CCDC178: variants seen among roughly 807,000 people sequenced by gnomAD.
The protein encoded by CCDC178 is coiled-coil domain-containing protein 178.
CCDC178 carries 126 observed loss-of-function variants against 117.4 expected under a neutral mutation model. That is an observed-to-expected ratio of 1.07 (90% CI 0.93 to 1.24). The LOEUF (loss-of-function observed/expected upper bound fraction) is 1.24. CCDC178 is among the 50% of genes most tolerant of loss of function. The probability of loss-of-function intolerance (pLI) is 0.00; values close to 1 mark genes in which losing one functional copy is unlikely to be tolerated. For synonymous variants in CCDC178, 283 were observed against 313.4 expected (o/e 0.90, Z 1.02); for missense variants, 1,030 against 986.9 (o/e 1.04, Z -0.59).
At chr18:33,381,141 T>C (rs1484160862) in intron 5 of CCDC178, among the ~76,000 whole-genome samples, 1 of 152,198 alleles carries the variant, frequency 6.6e-6, no homozygotes, top group Admixed American at 6.5e-5. Context: ...ACTTATTTTG[T>C]AATATGTCTC....
intron 20 of CCDC178, among the ~76,000 whole-genome samples, chr18:33,173,282 T>C (rs757756030): frequency 6.6e-6 from 1 of 152,100 alleles, no homozygotes; most frequent in Non-Finnish European, 1.5e-5. Flanking sequence ...ACTCCGGAGC[T>C]CAAGTGATCT....
intron 7 of CCDC178, among the ~76,000 whole-genome samples, chr18:33,352,090 A>G (rs1213392188): frequency 6.6e-6 from 1 of 152,116 alleles, no homozygotes; most frequent in Non-Finnish European, 1.5e-5. Context: ...TTATTGATTC[A>G]ATCACTTTAT....
intron 21 of CCDC178, among the ~76,000 whole-genome samples, chr18:33,000,559 T>C (rs1440662838): frequency 6.6e-6 from 1 of 152,088 alleles, no homozygotes; most frequent in Non-Finnish European, 1.5e-5. Flanking sequence ...ACTTGAAGGC[T>C]AAAGAAAGGA....
At chr18:33,342,806 A>G (rs973609187) in intron 9 of CCDC178, among the ~76,000 whole-genome samples, 5 of 152,226 alleles carry the variant, frequency 3.3e-5, no homozygotes, top group Non-Finnish European at 7.3e-5. Context: ...GGTGGTTGTT[A>G]CAAAGCACAA....
chr18:33,344,803 GCACACACACACACACACACA>G lies in CCDC178; in HGVS notation c.658+1388_658+1407del, dbSNP rs63067861. Among the ~76,000 whole-genome samples, 275 of 120,878 alleles carry G rather than the reference GCACACACACACACACACACA, an allele frequency of 2.3e-3. 3 individuals are homozygous for G. The highest frequency in any genetic ancestry group is 0.011 in the South Asian group (36 of 3,302). 79.3% of individuals were successfully genotyped at this position (120,878 alleles called of 152,430 possible). A position where few individuals can be genotyped will look rare whatever the true frequency, so the allele number is the denominator to read the frequency against. On this transcript the variant is annotated intron_variant, in intron 9 of 22. Coordinates refer to ENST00000383096, the MANE Select transcript of CCDC178 (RefSeq NM_001105528.4). The stretch of plus-strand genomic sequence containing the variant: ...CTATGGTAGCCTCATTGCCTCTAAA[GCACACACACACACACACACA>G]CACACACACACACACACACACACAC...
intron 2 of CCDC178, among the ~76,000 whole-genome samples, 193 bp from the exon 3 acceptor site, chr18:33,412,303 C>T (rs1449624513): frequency 6.6e-6 from 1 of 151,964 alleles, no homozygotes; most frequent in South Asian, 2.1e-4. Context: ...TAAAAATCTT[C>T]ATTAAAGAGG....
intron 20 of CCDC178, among the ~76,000 whole-genome samples, chr18:33,208,717 C>T (rs190382193): frequency 3.9e-5 from 6 of 152,014 alleles, no homozygotes; most frequent in Non-Finnish European, 5.9e-5. Flanking sequence ...ACCTGGTGGT[C>T]AAATGAAACA....
intron 20 of CCDC178, among the ~76,000 whole-genome samples, chr18:33,124,656 G>A (rs2057981712): frequency 6.6e-6 from 1 of 152,050 alleles, no homozygotes; most frequent in East Asian, 1.9e-4. Context: ...TTTTGACAGT[G>A]GTGATTTACT....
chr18:33,273,524 A>G (rs563760455), intron 12 of CCDC178, among the ~76,000 whole-genome samples: 13 of 151,666 alleles, frequency 8.6e-5, no homozygotes, highest in Non-Finnish European at 1.9e-4. Context: ...AGACATATAA[A>G]TCAATGGGAT....
At chr18:33,209,798 G>C (rs574040911) in intron 20 of CCDC178, among the ~76,000 whole-genome samples, 1 of 151,998 alleles carries the variant, frequency 6.6e-6, no homozygotes, top group Non-Finnish European at 1.5e-5. Flanking sequence ...ATAAATTTAA[G>C]GTTATCTGAC....
At chr18:33,002,468 T>A (rs968694101) in intron 21 of CCDC178, among the ~76,000 whole-genome samples, 4 of 151,912 alleles carry the variant, frequency 2.6e-5, no homozygotes, top group Non-Finnish European at 4.4e-5. Flanking sequence ...GAAGAAAATT[T>A]AAAATTTTTT....
intron 21 of CCDC178, chr18:32,983,208 T>A: frequency 1.2e-6 from 1 of 851,160 alleles, no homozygotes; most frequent in Non-Finnish European, 1.9e-6. Flanking sequence ...GGTGACAATG[T>A]GTGACACTTG....
At position 33,220,447 on chromosome 18, in the gene CCDC178, A is replaced by C. The variant is rs191453508; in HGVS notation, c.1932+2659T>G. Among the ~76,000 whole-genome samples the C allele has an allele frequency of 4.6e-5, 7 of 152,208 alleles. No homozygotes were observed. The East Asian group carries it at 1.2e-3, about 25-fold the overall frequency. ...AAGCCTTTACTATTTTCTCTATACCAAAACTGGCCCTTGCTTTTTGGTCAC... is the reference window on the plus strand; with the variant it reads ...AAGCCTTTACTATTTTCTCTATACCCAAACTGGCCCTTGCTTTTTGGTCAC... On this transcript the variant is annotated intron_variant, in intron 18 of 22. Transcript: ENST00000383096.
chr18:33,388,988 G>T (rs986204236), intron 5 of CCDC178, among the ~76,000 whole-genome samples: 2 of 152,000 alleles, frequency 1.3e-5, no homozygotes, highest in Non-Finnish European at 1.5e-5. Context: ...GGGCCTGTAG[G>T]GGGAGGGCAG....
chr18:33,110,360 A>G (rs1054370975), intron 20 of CCDC178, among the ~76,000 whole-genome samples: 2 of 151,510 alleles, frequency 1.3e-5, no homozygotes, highest in African/African-American at 2.4e-5. Context: ...TTATTCTTCA[A>G]TGGTGTCTTT....
chr18:33,086,969 GACACACACACACACACAC>G (rs71949744), intron 21 of CCDC178, among the ~76,000 whole-genome samples: 56 of 124,122 alleles, frequency 4.5e-4, no homozygotes, highest in African/African-American at 1.6e-3. Context: ...GCTATTGGTT[GACACACACACACACACAC>G]ACACACACAC....
intron 21 of CCDC178, among the ~76,000 whole-genome samples, chr18:33,066,627 A>T (rs1278072839): frequency 6.6e-6 from 1 of 152,244 alleles, no homozygotes; most frequent in Non-Finnish European, 1.5e-5. Context: ...CTGAAAAGAC[A>T]CATGTAAATG....
chr18:33,234,671 A>G (rs1423536859), intron 15 of CCDC178, among the ~76,000 whole-genome samples: 1 of 152,102 alleles, frequency 6.6e-6, no homozygotes, highest in African/African-American at 2.4e-5. Context: ...CATATTGACA[A>G]TATGACTAAC....
At chr18:33,250,743 C>T (rs1022603627) in intron 14 of CCDC178, among the ~76,000 whole-genome samples, 7 of 151,444 alleles carry the variant, frequency 4.6e-5, no homozygotes, top group African/African-American at 1.7e-4. Flanking sequence ...GTGTATATAG[C>T]AAAACTATAC....
Sources: gnomAD v4.1 joint callset for allele counts (sites outside exome capture counted in the v4.1 genomes callset) on GRCh38, gnomAD v4.1.1 for gene constraint, MANE v1.5 for transcripts, NCBI Gene and HGNC (gene_info 2026-07-23, HGNC 2026-07-21) for gene names.